The following FST variants were observed in gnomAD, a reference collection of about 807,000 sequenced individuals.
The protein encoded by FST is follistatin.
FST carries 6 observed loss-of-function variants against 38.4 expected under a neutral mutation model. The ratio of observed to expected loss-of-function variants is 0.16; its 90% CI spans 0.09 to 0.31. The LOEUF is 0.31. Ranked by LOEUF, FST falls within the 10% of genes least tolerant of loss-of-function variation. The pLI, the probability that FST is intolerant of heterozygous loss-of-function variation, is 1.00. For synonymous variants in FST, 157 were observed against 169.8 expected (o/e 0.92, Z 0.59); for missense variants, 301 against 432.3 (o/e 0.70, Z 2.69).
In FST at chr5:53,484,193, T is replaced by C. The variant is rs1176096999; in HGVS notation, c.621T>C (p.Cys207=). The C allele has an allele frequency of 6.2e-7, 1 of 1,613,314 alleles. No individual in the cohort carries two copies. Among genetic ancestry groups the C allele is most frequent in the Non-Finnish European group, 8.5e-7 (1 of 1,179,322 alleles). The change falls in exon 4 of 6, where the codon TGT becomes TGC. Residue 207 remains cysteine, a synonymous_variant. Coordinates refer to ENST00000256759, the MANE Select transcript of FST (RefSeq NM_013409.3). ...CTGCTTCCTCTGAGCAATATCTCTG[T>C]GGGAATGATGGAGTCACCTACTCCA... ...PEPASSEQYL[C]GNDGVTYSSA...
Position 53,486,723 on chromosome 5 carries a change from TTTGTG to T in FST, c.*691_*695del, listed in dbSNP as rs1747569305. 6.6e-6 allele frequency: 1 copy of T among 152,214 alleles called. No individual in the cohort carries two copies. 9.4% of individuals were successfully genotyped at this position (152,214 alleles called of 1,614,324 possible). A position where few individuals can be genotyped will look rare whatever the true frequency, so the allele number is the denominator to read the frequency against. The stretch of plus-strand genomic sequence containing the variant: ...CAGTTCTTTTGTTATGATGAAGACA[TTTGTG>T]AGAGAGGAGATGATTAGAATTCTAG... On this transcript the variant is annotated 3_prime_UTR_variant, in exon 6 of 6. Transcript: ENST00000256759.
At position 53,483,110 on chromosome 5, in the gene FST, AG is replaced by A. The variant is rs769385614; in HGVS notation, c.277+42del. The A allele has an allele frequency of 5.2e-5, 74 of 1,425,988 alleles. 2 individuals are homozygous for A. The Admixed American group carries it at 1.2e-3, about 24-fold the overall frequency. 88.3% of individuals were successfully genotyped at this position (1,425,988 alleles called of 1,614,324 possible). A position where few individuals can be genotyped will look rare whatever the true frequency, so the allele number is the denominator to read the frequency against. ...TTCCCAACTTGCAGGCCCTCAGTAG[AG>A]GGCGTCTTACCCTTAGCTTCCCCAC... On this transcript the variant is annotated intron_variant, in intron 2 of 5. Coordinates refer to ENST00000256759, the MANE Select transcript of FST (RefSeq NM_013409.3). This position sits in a 1 kb window ranked among gnomAD's most constrained non-coding sequence, Gnocchi z 4.1.
intron 1 of FST, chr5:53,482,571 G>C: frequency 2.4e-6 from 1 of 418,456 alleles, no homozygotes; most frequent in East Asian, 3.8e-5. Context: ...TGCACGTGTT[G>C]TGTCTGGGTC....
At position 53,482,051 on chromosome 5, in the gene FST, G is replaced by A. The variant is rs1046151508; in HGVS notation, c.86-829G>A. On this transcript the variant is annotated intron_variant, in intron 1 of 5. Transcript: ENST00000256759. ...GTGGGCGCGGAGGAAAGCAGCCCTC[G>A]GAGATTTCGAAAGATCGCGGTGGCC... Among the ~76,000 whole-genome samples, 5 of 152,368 alleles carry A rather than the reference G, an allele frequency of 3.3e-5. No homozygotes were observed. In the East Asian group the frequency reaches 5.8e-4, roughly 18 times the overall value.
At chr5:53,484,543 TTAC>T (rs1353241352) in intron 4 of FST, among the ~76,000 whole-genome samples, 1 of 152,184 alleles carries the variant, frequency 6.6e-6, no homozygotes, top group African/African-American at 2.4e-5. Context: ...AACTTAGAAC[TTAC>T]TCAATTTTAC....
At chr5:53,481,134 G>A (rs1263886463) in intron 1 of FST, among the ~76,000 whole-genome samples, 1 of 152,040 alleles carries the variant, frequency 6.6e-6, no homozygotes, top group East Asian at 1.9e-4. Flanking sequence ...AATGCTCCAA[G>A]TTCTGGCCAT....
In FST at chr5:53,482,868, G is replaced by T; in HGVS notation, c.86-12G>T. On this transcript the variant is annotated splice_polypyrimidine_tract_variant and intron_variant, in intron 1 of 5. Coordinates refer to ENST00000256759, the MANE Select transcript of FST (RefSeq NM_013409.3). ...CTCACTCACCCACCTCCCCACCCTT[G>T]TCTCTTCACAGCTGGGAACTGCTGG... 6.4e-7 allele frequency: 1 copy of T among 1,569,126 alleles called. No homozygotes were observed. Among genetic ancestry groups the T allele is most frequent in the Non-Finnish European group, 8.7e-7 (1 of 1,150,030 alleles).
intron 1 of FST, among the ~76,000 whole-genome samples, chr5:53,482,443 T>C (rs777701980): frequency 1.1e-4 from 17 of 151,916 alleles, no homozygotes; most frequent in Non-Finnish European, 2.2e-4. Flanking sequence ...GAAACCAGCA[T>C]GTAAAAACAT....
chr5:53,485,901 C>G, intron 5 of FST, 50 bp from the exon 6 acceptor site: 1 of 1,604,326 alleles, frequency 6.2e-7, no homozygotes, highest in Non-Finnish European at 8.5e-7. Context: ...TGCTTCTGCG[C>G]TGTTGTTGTC....
Position 53,481,707 on chromosome 5 carries a change from G to A in FST, c.85+831G>A, listed in dbSNP as rs534115967. Among the ~76,000 whole-genome samples the A allele has an allele frequency of 2.0e-5, 3 of 152,268 alleles. No homozygotes were observed. The South Asian group carries it at 6.2e-4, about 32-fold the overall frequency. On this transcript the variant is annotated intron_variant, in intron 1 of 5. Transcript: ENST00000256759. The stretch of plus-strand genomic sequence containing the variant: ...CAGAATGTTTAAAATAATAATAGCA[G>A]CTTGCGATCCAATGATTGTTAAAGT...
In FST at chr5:53,483,709, A is replaced by G; in HGVS notation, c.483A>G (p.Gln161=). Residue 161 remains glutamine, a synonymous_variant, in exon 3 of 6, where the codon CAA becomes CAG. Transcript: ENST00000256759. The surrounding 1 kb of genome is among the most constrained non-coding windows in gnomAD (Gnocchi z 4.1). ...AGCCAGAACTGGAAGTCCAGTACCA[A>G]GGCAGATGTAAAAGTAGGTCCTACC... ...KEQPELEVQY[Q]GRCKKTCRDV... The G allele has an allele frequency of 2.5e-6, 4 of 1,613,258 alleles. No individual in the cohort carries two copies. The highest frequency in any genetic ancestry group is 8.5e-7 in the Non-Finnish European group (1 of 1,179,186).
rs3083659 is a variant in FST, at chr5:53,486,072, C to CAAAAAAAAAAA, written c.*50_*60dup. On this transcript the variant is annotated 3_prime_UTR_variant, in exon 6 of 6. Transcript: ENST00000256759. ...GTTCAGTGTTGACATAGCCTTTGTGCAAAAAAAAAAAAAAAAAAAAAGAAA... is the reference window on the plus strand; with the variant it reads ...GTTCAGTGTTGACATAGCCTTTGTGCAAAAAAAAAAAAAAAAAAAAAAAAAAAAAAAAGAAA... The CAAAAAAAAAAA allele has an allele frequency of 7.5e-6, 2 of 266,736 alleles. No homozygotes were observed. The highest frequency in any genetic ancestry group is 1.2e-5 in the Non-Finnish European group (2 of 162,588). 16.5% of individuals were successfully genotyped at this position (266,736 alleles called of 1,614,324 possible).
At chr5:53,485,691 C>G in intron 5 of FST, 1 of 1,603,106 alleles carries the variant, frequency 6.2e-7, no homozygotes, top group East Asian at 2.2e-5. Flanking sequence ...TTTCAGGAAT[C>G]TGCCCGTAAA....
chr5:53,483,134 C>G lies in FST; in HGVS notation c.277+63C>G. 9.1e-7 allele frequency: 1 copy of G among 1,103,760 alleles called. No homozygotes were observed. Among genetic ancestry groups the G allele is most frequent in the South Asian group, 1.4e-5 (1 of 72,166 alleles). The allele number at this position is 1,103,760 out of a possible 1,614,324, so 68.4% of individuals were successfully genotyped here. On this transcript the variant is annotated intron_variant, in intron 2 of 5. Coordinates refer to ENST00000256759, the MANE Select transcript of FST (RefSeq NM_013409.3). The surrounding 1 kb of genome is among the most constrained non-coding windows in gnomAD (Gnocchi z 4.1). ...GAGGGCGTCTTACCCTTAGCTTCCCCACTACCTGACTGGGGTTTGGGAGTA... is the reference window on the plus strand; with the variant it reads ...GAGGGCGTCTTACCCTTAGCTTCCCGACTACCTGACTGGGGTTTGGGAGTA...
chr5:53,484,390 A>G (rs1747423251), intron 4 of FST, 97 bp downstream of exon 4: 1 of 1,271,838 alleles, frequency 7.9e-7, no homozygotes, highest in Non-Finnish European at 1.1e-6. Flanking sequence ...AGGCGTCCCC[A>G]AACACCATAG....
Position 53,485,161 on chromosome 5 carries a change from G to A in FST, c.886G>A (p.Ala296Thr). ...CAATGCCACTTATGCCAGCGAGTGTGCCATGAAGGAAGCTGCCTGCTCCTC... is the reference window on the plus strand; with the variant it reads ...CAATGCCACTTATGCCAGCGAGTGTACCATGAAGGAAGCTGCCTGCTCCTC... The part of the protein sequence containing the change: ...SDNATYASEC[A>T]MKEAACSSGV... Residue 296 changes from alanine to threonine, a missense_variant, in exon 5 of 6, where the codon GCC becomes ACC. Ala to Thr is a moderately conservative substitution (Grantham distance 58). Transcript: ENST00000256759. 1 of 1,613,722 alleles carries A rather than the reference G, an allele frequency of 6.2e-7. No individual in the cohort carries two copies. Among genetic ancestry groups the A allele is most frequent in the South Asian group, 1.1e-5 (1 of 91,066 alleles).
intron 1 of FST, among the ~76,000 whole-genome samples, chr5:53,481,713 G>A (rs962410506): frequency 5.7e-4 from 87 of 152,250 alleles, no homozygotes; most frequent in African/African-American, 2.0e-3. Flanking sequence ...AGCAGCTTGC[G>A]ATCCAATGAT....
chr5:53,485,754 A>G lies in FST; in HGVS notation c.953-197A>G, dbSNP rs1016047032. The G allele has an allele frequency of 1.9e-6, 3 of 1,595,932 alleles. No individual in the cohort carries two copies. In the African/African-American group the frequency reaches 4.1e-5, roughly 22 times the overall value. On this transcript the variant is annotated intron_variant, in intron 5 of 5. Transcript: ENST00000256759. ...TCTGCAGTTTTTGACTTCATAGATTATGCTTTAAAAAAATTTTTTTAACTT... is the reference window on the plus strand; with the variant it reads ...TCTGCAGTTTTTGACTTCATAGATTGTGCTTTAAAAAAATTTTTTTAACTT...
chr5:53,481,204 T>C (rs1461669527), intron 1 of FST, among the ~76,000 whole-genome samples: 1 of 151,430 alleles, frequency 6.6e-6, no homozygotes, highest in Non-Finnish European at 1.5e-5. Flanking sequence ...GTATCAGTAG[T>C]AGCCTGGAGA....
Sources: gnomAD v4.1 joint callset for allele counts (sites outside exome capture counted in the v4.1 genomes callset) on GRCh38, gnomAD v4.1.1 for gene constraint, Gnocchi (gnomAD v3.1) non-coding constraint, MANE v1.5 for transcripts, NCBI Gene and HGNC (gene_info 2026-07-23, HGNC 2026-07-21) for gene names.